Variants in HEMK2 observed in about 807,000 individuals in gnomAD.
HEMK2 encodes HemK methyltransferase 2, ETF1 glutamine and histone H4 lysine.
the HEMK2 span, among the ~76,000 whole-genome samples, chr21:28,830,836 C>T: frequency 6.7e-6 from 1 of 148,560 alleles, no homozygotes; most frequent in Non-Finnish European, 1.5e-5. Flanking sequence ...AAGTTCGTGC[C>T]ACTGCACTCC....
chr21:28,834,365 C>A, the HEMK2 span, among the ~76,000 whole-genome samples: 1 of 152,318 alleles, frequency 6.6e-6, no homozygotes, highest in Non-Finnish European at 1.5e-5. Flanking sequence ...TGGAGACCCT[C>A]CTTTCCTGAA....
chr21:28,885,148 C>G, the HEMK2 span: 2 of 1,471,360 alleles, frequency 1.4e-6, no homozygotes, highest in Non-Finnish European at 9.1e-7. Context: ...TTCCGGCCCT[C>G]CTCCACCGCA....
the HEMK2 span, among the ~76,000 whole-genome samples, chr21:28,831,462 CGAAAGAAAGAAAGAAA>C: frequency 4.6e-3 from 108 of 23,658 alleles, 1 homozygote; most frequent in Middle Eastern, 0.042. Context: ...AAGAAAAGAA[CGAAAGAAAGAAAGAAA>C]GAAAGAAAGA....
the HEMK2 span, among the ~76,000 whole-genome samples, chr21:28,623,701 G>GA: frequency 6.6e-6 from 1 of 152,176 alleles, no homozygotes; most frequent in African/African-American, 2.4e-5. Flanking sequence ...GATGAAGCTG[G>GA]AAACCATCAT....
At chr21:28,638,937 T>G in the HEMK2 span, among the ~76,000 whole-genome samples, 1 of 152,192 alleles carries the variant, frequency 6.6e-6, no homozygotes, top group Non-Finnish European at 1.5e-5. Flanking sequence ...ACATTCCATT[T>G]CTTAAAGCCA....
chr21:28,850,896 A>C, the HEMK2 span, among the ~76,000 whole-genome samples: 1 of 152,166 alleles, frequency 6.6e-6, no homozygotes, highest in Non-Finnish European at 1.5e-5. Flanking sequence ...GGGGAAGAGA[A>C]GGGGAGAGAA....
At chr21:28,824,409 G>C in the HEMK2 span, among the ~76,000 whole-genome samples, 4 of 152,192 alleles carry the variant, frequency 2.6e-5, no homozygotes, top group Admixed American at 2.6e-4. Flanking sequence ...AAAAGTGTGT[G>C]TGTATGAGTT....
chr21:28,626,971 A>G, the HEMK2 span, among the ~76,000 whole-genome samples: 1 of 152,202 alleles, frequency 6.6e-6, no homozygotes, highest in African/African-American at 2.4e-5. Flanking sequence ...AAGAGCTAAA[A>G]ACTACAAGCA....
chr21:28,869,541 C>T, the HEMK2 span, among the ~76,000 whole-genome samples: 3 of 152,280 alleles, frequency 2.0e-5, no homozygotes, highest in Non-Finnish European at 4.4e-5. Flanking sequence ...TATATTGGAA[C>T]CACCTGAATG....
the HEMK2 span, among the ~76,000 whole-genome samples, chr21:28,667,417 AAG>A: frequency 6.6e-6 from 1 of 152,180 alleles, no homozygotes; most frequent in Non-Finnish European, 1.5e-5. Context: ...GAATGGGGGA[AAG>A]AGAGAATAAA....
At chr21:28,623,742 C>T in the HEMK2 span, among the ~76,000 whole-genome samples, 1 of 152,134 alleles carries the variant, frequency 6.6e-6, no homozygotes, top group Non-Finnish European at 1.5e-5. Context: ...AACAGAAAAC[C>T]AAACACCGCA....
At chr21:28,758,021 T>G in the HEMK2 span, among the ~76,000 whole-genome samples, 1 of 152,188 alleles carries the variant, frequency 6.6e-6, no homozygotes, top group African/African-American at 2.4e-5. Flanking sequence ...AAATATGCAT[T>G]CTCAGTAATT....
the HEMK2 span, among the ~76,000 whole-genome samples, chr21:28,704,379 G>A: frequency 2.6e-5 from 4 of 151,976 alleles, no homozygotes; most frequent in East Asian, 1.9e-4. Context: ...CAAACAAAAC[G>A]CATGGCTGGT....
At chr21:28,623,032 T>A in the HEMK2 span, among the ~76,000 whole-genome samples, 1 of 152,032 alleles carries the variant, frequency 6.6e-6, no homozygotes, top group Non-Finnish European at 1.5e-5. Flanking sequence ...GAAACTATCA[T>A]CAGAGTGAAG....
chr21:28,686,760 A>C, the HEMK2 span, among the ~76,000 whole-genome samples: 1 of 152,202 alleles, frequency 6.6e-6, no homozygotes, highest in Non-Finnish European at 1.5e-5. Context: ...TGCAGTCAGA[A>C]ATTCTCCTAA....
chr21:28,694,308 A>G, the HEMK2 span, among the ~76,000 whole-genome samples: 10 of 152,226 alleles, frequency 6.6e-5, no homozygotes, highest in East Asian at 3.8e-4. Flanking sequence ...GGAATGTCTT[A>G]TAAGTCTGTG....
the HEMK2 span, among the ~76,000 whole-genome samples, chr21:28,834,381 ACTCCCACT>A: frequency 6.6e-6 from 1 of 152,060 alleles, no homozygotes; most frequent in Non-Finnish European, 1.5e-5. Flanking sequence ...CTGAACTCAC[ACTCCCACT>A]GGAGAAGCTG....
the HEMK2 span, among the ~76,000 whole-genome samples, chr21:28,622,785 A>C: frequency 6.6e-6 from 1 of 152,220 alleles, no homozygotes; most frequent in African/African-American, 2.4e-5. Flanking sequence ...CATATGATGC[A>C]GAATACTGAA....
chr21:28,878,438 A>C, the HEMK2 span: 1 of 1,348,354 alleles, frequency 7.4e-7, no homozygotes, highest in Non-Finnish European at 1.0e-6. Flanking sequence ...TATATTTTGC[A>C]TTTTACTGCT....
Sources: allele counts gnomAD v4.1 joint callset (sites outside exome capture counted in the v4.1 genomes callset), GRCh38; gene constraint gnomAD v4.1.1; transcripts MANE v1.5; gene names NCBI Gene and HGNC (gene_info 2026-07-23, HGNC 2026-07-21).